The following BMPR1B variants were observed in gnomAD, a reference collection of about 807,000 sequenced individuals.
The protein encoded by BMPR1B is bone morphogenetic protein receptor type 1B, also known as bone morphogenetic protein receptor type-1B.
Under a neutral mutation model 59.1 loss-of-function variants are expected in BMPR1B, and 12 were observed. That is an observed-to-expected ratio of 0.20 (90% CI 0.13 to 0.33). The LOEUF (loss-of-function observed/expected upper bound fraction) is 0.33, where lower values mean the gene tolerates loss of function less well. BMPR1B is among the 10% of genes least tolerant of loss of function. BMPR1B has a pLI of 1.00. For synonymous variants in BMPR1B, 237 were observed against 207.3 expected (o/e 1.14, Z -1.23); for missense variants, 550 against 610.9 (o/e 0.90, Z 1.05).
intron 3 of BMPR1B, among the ~76,000 whole-genome samples, chr4:95,022,572 T>C (rs1439744335): frequency 6.6e-6 from 1 of 152,150 alleles, no homozygotes. Context: ...TTGCTATTTA[T>C]ATTTATATAT....
At chr4:94,769,032 G>A (rs906551410) in intron 1 of BMPR1B, among the ~76,000 whole-genome samples, 1 of 152,008 alleles carries the variant, frequency 6.6e-6, no homozygotes, top group African/African-American at 2.4e-5. Context: ...TATACTTGTG[G>A]TTTGAAAGCT....
chr4:95,036,678 CAG>C (rs1303307866), intron 3 of BMPR1B, among the ~76,000 whole-genome samples: 7 of 148,104 alleles, frequency 4.7e-5, no homozygotes, highest in Non-Finnish European at 1.0e-4. Context: ...CATGGGCGTG[CAG>C]ATATCTCTTC....
chr4:94,854,817 A>G (rs1300719068), intron 1 of BMPR1B, among the ~76,000 whole-genome samples: 1 of 151,988 alleles, frequency 6.6e-6, no homozygotes. Flanking sequence ...CCAAAAAGCT[A>G]CTCTTTATGT....
chr4:94,950,988 G>T (rs971356540), intron 2 of BMPR1B, among the ~76,000 whole-genome samples: 8 of 152,084 alleles, frequency 5.3e-5, no homozygotes, highest in Non-Finnish European at 1.2e-4. Flanking sequence ...CCTTGAAGGG[G>T]TCCTTCCCAT....
chr4:95,046,344 T>C (rs917422832), intron 3 of BMPR1B, among the ~76,000 whole-genome samples: 2 of 152,242 alleles, frequency 1.3e-5, no homozygotes, highest in Non-Finnish European at 2.9e-5. Context: ...ATTATTTTTA[T>C]TGGCAAAGCT....
At chr4:94,764,183 T>C (rs1721878424) in intron 1 of BMPR1B, among the ~76,000 whole-genome samples, 1 of 152,174 alleles carries the variant, frequency 6.6e-6, no homozygotes, top group South Asian at 2.1e-4. Context: ...TCTCAGCCCT[T>C]CTACCTCATG....
intron 2 of BMPR1B, among the ~76,000 whole-genome samples, chr4:94,936,492 T>G (rs1199722043): frequency 6.6e-6 from 1 of 152,102 alleles, no homozygotes; most frequent in Non-Finnish European, 1.5e-5. Context: ...GGTTTTTTGT[T>G]GTTGTTGTTG....
chr4:94,883,551 T>C (rs1166390129), intron 2 of BMPR1B, among the ~76,000 whole-genome samples: 1 of 152,050 alleles, frequency 6.6e-6, no homozygotes, highest in African/African-American at 2.4e-5. Flanking sequence ...AAGCAGCTCA[T>C]TAATAACTTA....
At chr4:94,886,624 C>A (rs1177491915) in intron 2 of BMPR1B, among the ~76,000 whole-genome samples, 1 of 152,198 alleles carries the variant, frequency 6.6e-6, no homozygotes, top group Non-Finnish European at 1.5e-5. Context: ...CTCTTCAAAT[C>A]TCCTCCCCAA....
chr4:95,117,108 A>G (rs1479410133), intron 6 of BMPR1B, among the ~76,000 whole-genome samples: 1 of 152,170 alleles, frequency 6.6e-6, no homozygotes, highest in Non-Finnish European at 1.5e-5. Context: ...ATAGCTTCCT[A>G]GAAGTGATAC....
At chr4:94,769,788 A>T (rs1388822980) in intron 1 of BMPR1B, among the ~76,000 whole-genome samples, 1 of 152,220 alleles carries the variant, frequency 6.6e-6, no homozygotes, top group Non-Finnish European at 1.5e-5. Context: ...AGGGAAGACT[A>T]GAATTGGTGT....
chr4:95,111,398 A>G (rs1382385862), intron 4 of BMPR1B, among the ~76,000 whole-genome samples: 2 of 152,118 alleles, frequency 1.3e-5, no homozygotes, highest in Non-Finnish European at 2.9e-5. Flanking sequence ...ATAGAATTAA[A>G]GGGACCAAAG....
chr4:94,782,115 C>G (rs1242888794), intron 1 of BMPR1B, among the ~76,000 whole-genome samples: 1 of 151,304 alleles, frequency 6.6e-6, no homozygotes, highest in East Asian at 1.9e-4. Context: ...TTTTTGGTAG[C>G]CCCCTTACAT....
chr4:94,780,790 G>C (rs369851443), intron 1 of BMPR1B, among the ~76,000 whole-genome samples: 1 of 142,520 alleles, frequency 7.0e-6, no homozygotes, highest in African/African-American at 2.6e-5. Context: ...CCTTGTTCAC[G>C]CCATTCTCCT....
At chr4:95,093,796 A>G (rs146582194) in intron 3 of BMPR1B, among the ~76,000 whole-genome samples, 8 of 152,216 alleles carry the variant, frequency 5.3e-5, no homozygotes, top group South Asian at 2.1e-4. Flanking sequence ...ACTCACAAAT[A>G]TTTTATGAAG....
intron 2 of BMPR1B, 56 bp downstream of exon 2, chr4:94,875,956 C>G (rs1206337678): frequency 1.3e-5 from 2 of 152,560 alleles, no homozygotes; most frequent in Non-Finnish European, 2.9e-5. Context: ...ATCGTTACTG[C>G]TTTTTGACAC....
chr4:94,780,400 A>G (rs1009397057), intron 1 of BMPR1B, among the ~76,000 whole-genome samples: 1 of 152,156 alleles, frequency 6.6e-6, no homozygotes, highest in Non-Finnish European at 1.5e-5. Flanking sequence ...TAGATAGACT[A>G]TATATTTATA....
At chr4:94,911,795 G>T (rs1009068557) in intron 2 of BMPR1B, among the ~76,000 whole-genome samples, 3 of 152,084 alleles carry the variant, frequency 2.0e-5, no homozygotes, top group Admixed American at 2.0e-4. Flanking sequence ...GCTCCCCATG[G>T]CAATAACTCT....
At chr4:94,766,553 A>G (rs1721975234) in intron 1 of BMPR1B, among the ~76,000 whole-genome samples, 1 of 151,952 alleles carries the variant, frequency 6.6e-6, no homozygotes, top group Non-Finnish European at 1.5e-5. Context: ...TTTACAGTGT[A>G]TAATGTTTTC....
Sources: allele counts gnomAD v4.1 joint callset (sites outside exome capture counted in the v4.1 genomes callset), GRCh38; gene constraint gnomAD v4.1.1; transcripts MANE v1.5; gene names NCBI Gene and HGNC (gene_info 2026-07-23, HGNC 2026-07-21).